The following LSAMP variants were observed in gnomAD, a reference collection of about 807,000 sequenced individuals.
LSAMP encodes limbic system-associated membrane protein.
Under a neutral mutation model 38.6 loss-of-function variants are expected in LSAMP, and 7 were observed. The ratio of observed to expected loss-of-function variants is 0.18; its 90% CI spans 0.10 to 0.34. LSAMP has a LOEUF of 0.34. LSAMP is among the 10% of genes least tolerant of loss of function. The pLI, the probability that LSAMP is intolerant of heterozygous loss-of-function variation, is 1.00. For missense variants in LSAMP, 313 were observed against 420.0 expected, an observed-to-expected ratio of 0.75 and a Z score of 2.23; for synonymous variants, 154 against 166.8, an observed-to-expected ratio of 0.92 and a Z score of 0.59.
chr3:116,381,878 G>A (rs752808859), intron 1 of LSAMP, among the ~76,000 whole-genome samples: 6 of 152,012 alleles, frequency 3.9e-5, no homozygotes, highest in Non-Finnish European at 7.4e-5. Flanking sequence ...CATACAATAT[G>A]GACTTGATTC....
chr3:116,062,244 T>A (rs962213032), intron 2 of LSAMP, among the ~76,000 whole-genome samples: 1 of 152,182 alleles, frequency 6.6e-6, no homozygotes. Flanking sequence ...CATGGTGGCC[T>A]ATGCCTGTAA....
intron 1 of LSAMP, among the ~76,000 whole-genome samples, chr3:116,350,656 A>G (rs757437423): frequency 1.4e-4 from 21 of 151,886 alleles, no homozygotes; most frequent in Admixed American, 5.3e-4. Context: ...AATGGCCCCA[A>G]GGCACATAAG....
chr3:116,441,881 A>T (rs1239971158), intron 1 of LSAMP, among the ~76,000 whole-genome samples: 1 of 152,174 alleles, frequency 6.6e-6, no homozygotes, highest in African/African-American at 2.4e-5. Context: ...TCTGTGAATC[A>T]CACTTTGATT....
At chr3:116,211,403 T>G (rs1576435909) in intron 1 of LSAMP, among the ~76,000 whole-genome samples, 1 of 152,220 alleles carries the variant, frequency 6.6e-6, no homozygotes, top group South Asian at 2.1e-4. Context: ...TAGCACAATT[T>G]AGCCATTCAA....
At chr3:115,974,486 A>G (rs1939121168) in intron 3 of LSAMP, among the ~76,000 whole-genome samples, 1 of 152,218 alleles carries the variant, frequency 6.6e-6, no homozygotes, top group Non-Finnish European at 1.5e-5. Context: ...CCCAGAAAAA[A>G]TGGTGGATCA....
At chr3:116,193,582 C>T (rs16824535) in intron 1 of LSAMP, among the ~76,000 whole-genome samples, 14,424 of 152,154 alleles carry the variant, frequency 0.095, 981 homozygotes, top group African/African-American at 0.2. Context: ...AAAAAAACAA[C>T]GCTTGCAGTA....
chr3:116,306,970 T>A (rs2047492967), intron 1 of LSAMP, among the ~76,000 whole-genome samples: 1 of 151,944 alleles, frequency 6.6e-6, no homozygotes, highest in Admixed American at 6.6e-5. Flanking sequence ...CAATCTAAAG[T>A]AAGAGTGGGA....
intron 3 of LSAMP, among the ~76,000 whole-genome samples, chr3:115,893,967 A>AGCTTCTG (rs1405867065): frequency 1.8e-4 from 27 of 151,984 alleles, no homozygotes; most frequent in Non-Finnish European, 8.8e-5. Flanking sequence ...TCATCACTTC[A>AGCTTCTG]AATCCCCTTT....
intron 6 of LSAMP, among the ~76,000 whole-genome samples, chr3:115,829,622 T>C (rs777838579): frequency 7.9e-5 from 12 of 152,306 alleles, no homozygotes; most frequent in Non-Finnish European, 1.6e-4. Context: ...TTGGCAGTCA[T>C]GTGGTACTGT....
chr3:115,985,994 A>G (rs752116853), intron 3 of LSAMP, among the ~76,000 whole-genome samples: 36 of 152,198 alleles, frequency 2.4e-4, no homozygotes, highest in Non-Finnish European at 4.3e-4. Flanking sequence ...ATATATAACG[A>G]ATACAACTGC....
At chr3:115,826,662 T>C (rs1028265647) in intron 6 of LSAMP, among the ~76,000 whole-genome samples, 4 of 152,196 alleles carry the variant, frequency 2.6e-5, no homozygotes, top group African/African-American at 7.2e-5. Context: ...GATATTTCTT[T>C]GAGTAAATGA....
intron 1 of LSAMP, among the ~76,000 whole-genome samples, chr3:116,200,419 T>C (rs1480986834): frequency 6.6e-6 from 1 of 152,242 alleles, no homozygotes; most frequent in African/African-American, 2.4e-5. Flanking sequence ...ACATCCTATC[T>C]GTTTTCCTAA....
intron 3 of LSAMP, among the ~76,000 whole-genome samples, chr3:115,964,229 G>A (rs1295270894): frequency 1.3e-5 from 2 of 152,044 alleles, no homozygotes; most frequent in Admixed American, 6.6e-5. Context: ...ACCTTTTATA[G>A]GTGGTAAACT....
intron 1 of LSAMP, among the ~76,000 whole-genome samples, chr3:116,376,810 A>G (rs2048499657): frequency 6.6e-6 from 1 of 152,020 alleles, no homozygotes; most frequent in Non-Finnish European, 1.5e-5. Flanking sequence ...AATCTTTTTA[A>G]AACAGTTTTT....
At chr3:115,987,551 C>T (rs1171359891) in intron 3 of LSAMP, among the ~76,000 whole-genome samples, 2 of 152,132 alleles carry the variant, frequency 1.3e-5, no homozygotes, top group East Asian at 3.8e-4. Flanking sequence ...TTCACTTCTC[C>T]ACATTATATA....
chr3:116,410,941 C>T (rs1250721737), intron 1 of LSAMP, among the ~76,000 whole-genome samples: 1 of 152,068 alleles, frequency 6.6e-6, no homozygotes, highest in Non-Finnish European at 1.5e-5. Context: ...CCATAGGTGG[C>T]TGGCTATAAT....
At chr3:115,964,696 A>T (rs1938740539) in intron 3 of LSAMP, among the ~76,000 whole-genome samples, 1 of 152,192 alleles carries the variant, frequency 6.6e-6, no homozygotes, top group African/African-American at 2.4e-5. Flanking sequence ...AATTGGGTGA[A>T]TACAGAATGA....
chr3:116,332,913 A>C (rs1170855803), intron 1 of LSAMP, among the ~76,000 whole-genome samples: 1 of 152,106 alleles, frequency 6.6e-6, no homozygotes, highest in Admixed American at 6.5e-5. Context: ...ATTATATATT[A>C]ATAGACTGTT....
intron 1 of LSAMP, among the ~76,000 whole-genome samples, chr3:116,182,816 A>G (rs1710518276): frequency 6.6e-6 from 1 of 151,690 alleles, no homozygotes; most frequent in Non-Finnish European, 1.5e-5. Flanking sequence ...TAATAGATAT[A>G]TTTCTTGAGT....
Sources: allele counts gnomAD v4.1 joint callset (sites outside exome capture counted in the v4.1 genomes callset), GRCh38; gene constraint gnomAD v4.1.1; transcripts MANE v1.5; gene names NCBI Gene and HGNC (gene_info 2026-07-23, HGNC 2026-07-21).